FNBP1: variants seen among roughly 807,000 people sequenced by gnomAD.
FNBP1 encodes formin binding protein 1, also known as formin-binding protein 1.
FNBP1 carries 26 observed loss-of-function variants against 90.6 expected under a neutral mutation model. That is an observed-to-expected ratio of 0.29 (90% confidence interval 0.21 to 0.40). The LOEUF (loss-of-function observed/expected upper bound fraction) is 0.40, where lower values mean the gene tolerates loss of function less well. FNBP1 is among the 10% of genes least tolerant of loss of function. The pLI is 1.00. For synonymous variants in FNBP1, 260 were observed against 265.2 expected (o/e 0.98, Z 0.19); for missense variants, 635 against 768.0 (o/e 0.83, Z 2.05).
At chr9:129,952,048 C>T (rs1035353783) in intron 6 of FNBP1, among the ~76,000 whole-genome samples, 1 of 151,012 alleles carries the variant, frequency 6.6e-6, no homozygotes, top group Non-Finnish European at 1.5e-5. Context: ...AAAAATTAGC[C>T]AGGTGTGGTG....
intron 9 of FNBP1, 136 bp downstream of exon 9, chr9:129,924,824 C>G (rs2041636299): frequency 1.3e-6 from 1 of 750,978 alleles, no homozygotes. Flanking sequence ...AATACTGTCT[C>G]AACATAAGGT....
chr9:129,932,815 AC>A (rs765255996), intron 6 of FNBP1, among the ~76,000 whole-genome samples: 196 of 151,750 alleles, frequency 1.3e-3, no homozygotes, highest in Non-Finnish European at 1.2e-3. Context: ...TCAAAAATCC[AC>A]CCCCTTCCAA....
intron 4 of FNBP1, among the ~76,000 whole-genome samples, chr9:129,976,117 C>CT (rs964185272): frequency 2.6e-5 from 4 of 152,126 alleles, no homozygotes; most frequent in African/African-American, 9.7e-5. Context: ...CTTTCTGTCA[C>CT]TAAAGAAATC....
At chr9:129,954,605 G>A (rs10739768) in intron 6 of FNBP1, among the ~76,000 whole-genome samples, 129,572 of 152,158 alleles carry the variant, frequency 0.85, 55,488 homozygotes, top group East Asian at 0.9. Context: ...AAAGGAAGCA[G>A]AACAAATATT....
intron 1 of FNBP1, among the ~76,000 whole-genome samples, chr9:130,019,446 C>T (rs2057592482): frequency 6.6e-6 from 1 of 152,018 alleles, no homozygotes; most frequent in Non-Finnish European, 1.5e-5. Context: ...ATAGTGATGT[C>T]AGATGAAAGA....
intron 4 of FNBP1, among the ~76,000 whole-genome samples, chr9:129,967,545 T>C (rs1297860034): frequency 1.3e-5 from 2 of 151,916 alleles, no homozygotes; most frequent in African/African-American, 4.8e-5. Flanking sequence ...TGGGGTGGGC[T>C]AACAGGGTCA....
chr9:130,032,304 G>A (rs1309796476), intron 1 of FNBP1, among the ~76,000 whole-genome samples: 1 of 151,914 alleles, frequency 6.6e-6, no homozygotes, highest in East Asian at 1.9e-4. Flanking sequence ...CCAAGTAGCT[G>A]GGACTACAGG....
intron 6 of FNBP1, among the ~76,000 whole-genome samples, chr9:129,930,903 A>G (rs759025746): frequency 6.6e-6 from 1 of 152,248 alleles, no homozygotes; most frequent in Non-Finnish European, 1.5e-5. Flanking sequence ...AATTCACTGC[A>G]GTAAGCCAGA....
At chr9:129,926,894 A>G (rs1588606931) in intron 8 of FNBP1, among the ~76,000 whole-genome samples, 1 of 151,724 alleles carries the variant, frequency 6.6e-6, no homozygotes, top group Admixed American at 6.6e-5. Context: ...TCAAAAAGAA[A>G]AAAAAAAAAA....
Position 129,924,042 on chromosome 9 carries a change from G to T in FNBP1, c.988-16C>A. 1 of 1,496,848 alleles carries T rather than the reference G, an allele frequency of 6.7e-7. No homozygotes were observed. 92.7% of individuals were successfully genotyped at this position (1,496,848 alleles called of 1,614,324 possible). A position where few individuals can be genotyped will look rare whatever the true frequency, so the allele number is the denominator to read the frequency against. ...GGGACATAAGCTACATGTAAGAGATGGAGCCGTGACAGAGTAAAAATCAGA... is the reference window on the plus strand; with the variant it reads ...GGGACATAAGCTACATGTAAGAGATTGAGCCGTGACAGAGTAAAAATCAGA... On this transcript the variant is annotated splice_polypyrimidine_tract_variant and intron_variant, in intron 9 of 16. Transcript: ENST00000446176.
intron 2 of FNBP1, among the ~76,000 whole-genome samples, chr9:129,990,037 AAGGGG>A (rs952495877): frequency 2.6e-5 from 4 of 151,770 alleles, no homozygotes; most frequent in Non-Finnish European, 5.9e-5. Flanking sequence ...AGAAAGAGGG[AAGGGG>A]AGGGGAGGGG....
At chr9:129,915,945 G>A (rs777835848) in intron 11 of FNBP1, 21 bp downstream of exon 11, 4 of 1,597,538 alleles carry the variant, frequency 2.5e-6, no homozygotes, top group Non-Finnish European at 3.4e-6. Context: ...CTCAGGACAT[G>A]CATGGAACAA....
At chr9:129,929,991 C>G (rs937415855) in intron 6 of FNBP1, among the ~76,000 whole-genome samples, 1 of 152,024 alleles carries the variant, frequency 6.6e-6, no homozygotes, top group East Asian at 1.9e-4. Context: ...TTTGGATGAC[C>G]CTTGTGGGAA....
At chr9:129,905,274 T>TTGTG (rs71497500) in intron 12 of FNBP1, among the ~76,000 whole-genome samples, 105 of 123,484 alleles carry the variant, frequency 8.5e-4, no homozygotes, top group African/African-American at 2.9e-3. Flanking sequence ...ATCTGTTGAA[T>TTGTG]TGTGTGTGTG....
chr9:129,911,755 ACT>A (rs1228817846), intron 11 of FNBP1, among the ~76,000 whole-genome samples: 4 of 151,784 alleles, frequency 2.6e-5, no homozygotes, highest in Non-Finnish European at 5.9e-5. Flanking sequence ...ACATAGAGAA[ACT>A]CTGTCTCGAC....
rs540586389 is a variant in FNBP1, at chr9:129,984,223, CA to C, written c.141-4850del. On this transcript the variant is annotated intron_variant, in intron 2 of 16. Transcript: ENST00000446176. The stretch of plus-strand genomic sequence containing the variant: ...CCAGAGAATTGTGCTTTCCCAACAA[CA>C]AAAGGTGAAAAAATAAAAGCCAGGG... 2.3e-3 allele frequency among the ~76,000 whole-genome samples: 351 copies of C among 150,530 alleles called. 1 individual carries two copies. The highest frequency in any genetic ancestry group is 8.2e-3 in the African/African-American group (335 of 40,904).
intron 15 of FNBP1, among the ~76,000 whole-genome samples, chr9:129,896,805 A>AT (rs1298293340): frequency 1.3e-5 from 2 of 150,268 alleles, no homozygotes; most frequent in East Asian, 3.9e-4. Context: ...CTAATTTTGT[A>AT]TTTTTAGTAG....
intron 6 of FNBP1, among the ~76,000 whole-genome samples, chr9:129,935,537 G>C (rs998827603): frequency 1.3e-5 from 2 of 151,742 alleles, no homozygotes; most frequent in Non-Finnish European, 2.9e-5. Flanking sequence ...GCCCAGGCTG[G>C]AGTGCAGTGG....
At chr9:129,994,332 T>G (rs1356877453) in intron 2 of FNBP1, among the ~76,000 whole-genome samples, 1 of 152,096 alleles carries the variant, frequency 6.6e-6, no homozygotes, top group African/African-American at 2.4e-5. Flanking sequence ...ACCAAATGAT[T>G]ACACTCATGT....
Sources: allele counts gnomAD v4.1 joint callset (sites outside exome capture counted in the v4.1 genomes callset), GRCh38; gene constraint gnomAD v4.1.1; transcripts MANE v1.5; gene names NCBI Gene and HGNC (gene_info 2026-07-23, HGNC 2026-07-21).